The following SNTB1 variants were observed in gnomAD, a reference collection of about 807,000 sequenced individuals.
SNTB1 encodes syntrophin beta 1, also known as beta-1-syntrophin.
In SNTB1, 36 loss-of-function variants were observed where a neutral mutation model predicts 48.9. The observed-to-expected ratio is 0.74, with a 90% confidence interval of 0.56 to 0.97. The LOEUF (loss-of-function observed/expected upper bound fraction) is 0.97. Among genes scored for constraint, SNTB1 ranks in the 50% least tolerant of loss-of-function variants. SNTB1 has a pLI of 0.00. For missense variants in SNTB1, 786 were observed against 703.4 expected (o/e 1.12, Z -1.33); for synonymous variants, 299 against 294.6 (o/e 1.01, Z -0.15).
intron 3 of SNTB1, among the ~76,000 whole-genome samples, chr8:120,582,885 C>A (rs1314132556): frequency 2.0e-5 from 3 of 151,964 alleles, no homozygotes; most frequent in East Asian, 1.9e-4. Context: ...GTGTAACAAA[C>A]CTGTTCATAG....
At chr8:120,651,592 C>A (rs535000268) in intron 2 of SNTB1, among the ~76,000 whole-genome samples, 7 of 151,940 alleles carry the variant, frequency 4.6e-5, no homozygotes, top group Non-Finnish European at 7.4e-5. Context: ...ATAACATACC[C>A]CAAAAGAACC....
At chr8:120,563,447 G>C (rs1007118101) in intron 4 of SNTB1, among the ~76,000 whole-genome samples, 3 of 152,064 alleles carry the variant, frequency 2.0e-5, no homozygotes, top group Admixed American at 6.5e-5. Context: ...ACCACCAATG[G>C]ACTCATAGGG....
At chr8:120,734,763 T>C (rs951849611) in intron 1 of SNTB1, among the ~76,000 whole-genome samples, 7 of 152,168 alleles carry the variant, frequency 4.6e-5, no homozygotes, top group Admixed American at 3.9e-4. Flanking sequence ...AATTGCAGCA[T>C]CTATGTCATG....
rs775612747 is a variant in SNTB1 at position 120,632,475 on chromosome 8, T to G, written c.965A>C (p.Glu322Ala). Residue 322 changes from glutamate (E) to alanine (A), a missense_variant, in exon 3 of 7, where the codon GAG becomes GCG. Glu to Ala is a moderately radical substitution (Grantham distance 107). Coordinates refer to ENST00000517992, the MANE Select transcript of SNTB1 (RefSeq NM_021021.4). The part of the protein sequence containing the change: ...LGKTGIAGSR[E>A]IRHLGWLAEK... ...TGCAAGCCAGCCAAGATGCCTAATC[T>G]CTCGGCTCCCAGCAATGCCTGTTTT... The G allele has an allele frequency of 1.7e-5, 28 of 1,613,976 alleles. No individual in the cohort carries two copies. Among genetic ancestry groups the G allele is most frequent in the South Asian group, 7.7e-5 (7 of 91,074 alleles).
In SNTB1 at chr8:120,786,953, G is replaced by A. The variant is rs115215197; in HGVS notation, c.571+24320C>T. ...ATGAAGAAAGTACTAGGGAAAAAAC[G>A]TTTTTTAAATGCATACCACTGGGGA... On this transcript the variant is annotated intron_variant, in intron 1 of 6. Transcript: ENST00000517992. 4.4e-3 allele frequency among the ~76,000 whole-genome samples: 671 copies of A among 152,202 alleles called. 4 individuals are homozygous for A. The highest frequency in any genetic ancestry group is 0.015 in the African/African-American group (640 of 41,534).
chr8:120,570,267 C>T (rs1181946126), intron 4 of SNTB1: 1 of 152,148 alleles, frequency 6.6e-6, no homozygotes, highest in Non-Finnish European at 1.5e-5. Flanking sequence ...TTTTTCTTTA[C>T]AATGGAATCA....
intron 1 of SNTB1, among the ~76,000 whole-genome samples, chr8:120,803,620 T>G (rs888178530): frequency 6.6e-6 from 1 of 152,132 alleles, no homozygotes. Flanking sequence ...TATGGAGCCA[T>G]GTGGAGTGAG....
chr8:120,594,790 A>G (rs976700670), intron 3 of SNTB1, among the ~76,000 whole-genome samples: 1 of 152,114 alleles, frequency 6.6e-6, no homozygotes, highest in Admixed American at 6.5e-5. Flanking sequence ...TCTATAGCTC[A>G]TGTGCAAAAG....
intron 1 of SNTB1, among the ~76,000 whole-genome samples, chr8:120,802,654 T>A (rs1324196554): frequency 2.6e-5 from 4 of 152,182 alleles, no homozygotes; most frequent in Non-Finnish European, 5.9e-5. Flanking sequence ...TAACATATGA[T>A]TAAAGCCTGT....
chr8:120,692,640 C>T (rs1347876547), intron 2 of SNTB1, among the ~76,000 whole-genome samples: 1 of 152,024 alleles, frequency 6.6e-6, no homozygotes, highest in Admixed American at 6.6e-5. Flanking sequence ...AAGTCATGTA[C>T]CGACTTTGGG....
intron 2 of SNTB1, among the ~76,000 whole-genome samples, chr8:120,644,733 A>G (rs373098898): frequency 3.3e-5 from 5 of 150,612 alleles, no homozygotes; most frequent in African/African-American, 4.9e-5. Flanking sequence ...CTGAGGAATC[A>G]CCACACTGAC....
rs77997200 is a variant in SNTB1 at position 120,538,267 on chromosome 8, G to A, written c.*610C>T. On this transcript the variant is annotated 3_prime_UTR_variant, in exon 7 of 7. Transcript: ENST00000517992. ...TAATTCCTGCTCAGTATATGCTAAT[G>A]GAGACACTTTGGAATCATTCTACAC... is the stretch of plus-strand genomic sequence containing the variant. The A allele has an allele frequency of 4.1e-3, 819 of 200,234 alleles. 5 individuals carry two copies. The highest frequency in any genetic ancestry group is 0.018 in the African/African-American group (780 of 44,124). The allele number at this position is 200,234 out of a possible 1,614,324, so 12.4% of individuals were successfully genotyped here. A position where few individuals can be genotyped will look rare whatever the true frequency, so the allele number is the denominator to read the frequency against.
At chr8:120,723,717 C>T (rs916011427) in intron 1 of SNTB1, among the ~76,000 whole-genome samples, 1 of 152,150 alleles carries the variant, frequency 6.6e-6, no homozygotes, top group Non-Finnish European at 1.5e-5. Context: ...CATACTTGAC[C>T]TCTCTCAAAT....
chr8:120,557,822 G>GT, intron 4 of SNTB1, among the ~76,000 whole-genome samples: 1 of 152,270 alleles, frequency 6.6e-6, no homozygotes, highest in Admixed American at 6.5e-5. Flanking sequence ...TTTTCAAAAG[G>GT]TTTTTAACAT....
chr8:120,792,924 C>G (rs1037041145), intron 1 of SNTB1, among the ~76,000 whole-genome samples: 4 of 151,906 alleles, frequency 2.6e-5, no homozygotes, highest in Non-Finnish European at 5.9e-5. Context: ...CTATGGTTCT[C>G]CCTGACTCTA....
chr8:120,638,886 G>A (rs1817133265), intron 2 of SNTB1, among the ~76,000 whole-genome samples: 2 of 152,214 alleles, frequency 1.3e-5, no homozygotes, highest in Admixed American at 1.3e-4. Context: ...TATCTTTATA[G>A]CAGCATGATT....
chr8:120,584,173 G>A (rs1024270734), intron 3 of SNTB1, among the ~76,000 whole-genome samples: 1 of 152,110 alleles, frequency 6.6e-6, no homozygotes, highest in African/African-American at 2.4e-5. Context: ...CACGCACGGT[G>A]GCTCATGCCT....
chr8:120,609,186 A>G (rs7006428), intron 3 of SNTB1, among the ~76,000 whole-genome samples: 18,374 of 152,244 alleles, frequency 0.12, 1,708 homozygotes, highest in Middle Eastern at 0.28. Flanking sequence ...AAGGAAAAGA[A>G]CAAAGGAAAA....
In SNTB1 at chr8:120,554,309, A is replaced by G. The variant is rs891753217; in HGVS notation, c.1137-5351T>C. On this transcript the variant is annotated intron_variant, in intron 4 of 6. Transcript: ENST00000517992. Reference sequence around the variant, plus strand: ...CCGCTTTGTGCCCTGAGCTGCTGGGACAGGCTCCGTCTGGCCACCCTTGAC... The same window carrying G: ...CCGCTTTGTGCCCTGAGCTGCTGGGGCAGGCTCCGTCTGGCCACCCTTGAC... 3.3e-5 allele frequency among the ~76,000 whole-genome samples: 5 copies of G among 152,122 alleles called. No homozygotes were observed. In the East Asian group the frequency reaches 9.7e-4, roughly 29 times the overall value.
Sources: gnomAD v4.1 joint callset for allele counts (sites outside exome capture counted in the v4.1 genomes callset) on GRCh38, gnomAD v4.1.1 for gene constraint, MANE v1.5 for transcripts, NCBI Gene and HGNC (gene_info 2026-07-23, HGNC 2026-07-21) for gene names.